The following DLC1 variants were observed in gnomAD, a reference collection of about 807,000 sequenced individuals.
The protein encoded by DLC1 is rho GTPase-activating protein 7.
DLC1 carries 54 observed loss-of-function variants against 140.3 expected under a neutral mutation model. The observed-to-expected ratio is 0.38, with a 90% CI of 0.31 to 0.48. DLC1 has a LOEUF of 0.48. Among genes scored for constraint, DLC1 ranks in the 20% least tolerant of loss-of-function variants. DLC1 has a pLI of 0.96. For synonymous variants in DLC1, 986 were observed against 728.1 expected, an observed-to-expected ratio of 1.35 and a Z score of -5.70; for missense variants, 2,536 against 1,907.0, an observed-to-expected ratio of 1.33 and a Z score of -6.14.
At chr8:13,121,990 A>G (rs1300861854) in intron 5 of DLC1, among the ~76,000 whole-genome samples, 4 of 152,154 alleles carry the variant, frequency 2.6e-5, no homozygotes, top group Non-Finnish European at 2.9e-5. Flanking sequence ...ACTAAGCCAG[A>G]TAACATTTCT....
intron 1 of DLC1, among the ~76,000 whole-genome samples, chr8:13,562,783 C>T (rs957242165): frequency 9.9e-5 from 15 of 151,766 alleles, no homozygotes; most frequent in South Asian, 2.1e-4. Flanking sequence ...GCAAAATGCC[C>T]GTCAAAATGT....
intron 1 of DLC1, among the ~76,000 whole-genome samples, chr8:13,556,038 C>T (rs957110185): frequency 2.6e-5 from 4 of 151,948 alleles, no homozygotes; most frequent in East Asian, 3.9e-4. Context: ...GAGAGAAGGA[C>T]AAAAGAGAAA....
chr8:13,405,205 G>C (rs1320504147), intron 2 of DLC1, among the ~76,000 whole-genome samples: 2 of 152,038 alleles, frequency 1.3e-5, no homozygotes, highest in Non-Finnish European at 2.9e-5. Context: ...GGTATGTTGT[G>C]TGATGCTGAG....
chr8:13,205,194 G>A (rs750355341), intron 5 of DLC1, among the ~76,000 whole-genome samples: 1 of 152,156 alleles, frequency 6.6e-6, no homozygotes, highest in Non-Finnish European at 1.5e-5. Flanking sequence ...AATATCATTT[G>A]CACCTGTAAG....
chr8:13,281,028 T>C (rs1032331843), intron 5 of DLC1, among the ~76,000 whole-genome samples: 3 of 152,188 alleles, frequency 2.0e-5, no homozygotes, highest in African/African-American at 4.8e-5. Flanking sequence ...AGGTATCCAA[T>C]AGTCCATGAC....
chr8:13,142,555 C>T (rs944945572), intron 5 of DLC1, among the ~76,000 whole-genome samples: 20 of 152,132 alleles, frequency 1.3e-4, no homozygotes, highest in Non-Finnish European at 2.6e-4. Context: ...TACATCATAA[C>T]ACTATGATAT....
chr8:13,546,276 C>T (rs2117343433), intron 1 of DLC1, among the ~76,000 whole-genome samples: 1 of 152,056 alleles, frequency 6.6e-6, no homozygotes, highest in South Asian at 2.1e-4. Context: ...ATTTAATGTC[C>T]AAGCATTAAA....
chr8:13,425,363 C>G (rs1419123514), intron 2 of DLC1, among the ~76,000 whole-genome samples: 1 of 152,170 alleles, frequency 6.6e-6, no homozygotes, highest in East Asian at 1.9e-4. Flanking sequence ...AATGGCACAT[C>G]TTGCTCTCAG....
At chr8:13,205,941 C>T (rs1827641804) in intron 5 of DLC1, among the ~76,000 whole-genome samples, 1 of 152,096 alleles carries the variant, frequency 6.6e-6, no homozygotes, top group Non-Finnish European at 1.5e-5. Context: ...AAATTTCTGC[C>T]TCCACCTTCT....
chr8:13,527,795 TATTATAC>T (rs1802966688), intron 1 of DLC1, among the ~76,000 whole-genome samples: 1 of 152,162 alleles, frequency 6.6e-6, no homozygotes, highest in Non-Finnish European at 1.5e-5. Flanking sequence ...AAACAGCATC[TATTATAC>T]GTGAACTAGG....
chr8:13,139,288 C>CAAAAAAAAAAA (rs67684524), intron 5 of DLC1, among the ~76,000 whole-genome samples: 2 of 49,286 alleles, frequency 4.1e-5, no homozygotes, highest in African/African-American at 7.1e-5. Flanking sequence ...GACCCTGTCT[C>CAAAAAAAAAAA]AAAAAAAAAA....
In DLC1 at chr8:13,086,504, T is replaced by A. The variant is rs757511457; in HGVS notation, c.4293-41A>T. On this transcript the variant is annotated intron_variant, in intron 16 of 17. Transcript: ENST00000276297. The stretch of plus-strand genomic sequence containing the variant: ...CAGAGGCAGAAATGATGGAATTTCA[T>A]AGAAGCCAAGTTTAAAATCGTGCTT... The A allele has an allele frequency of 3.1e-6, 5 of 1,600,454 alleles. No individual in the cohort carries two copies. In the African/African-American group the frequency reaches 4.0e-5, roughly 13 times the overall value.
intron 4 of DLC1, among the ~76,000 whole-genome samples, chr8:13,321,531 A>G (rs1188594849): frequency 9.9e-6 from 1 of 100,928 alleles, no homozygotes; most frequent in Non-Finnish European, 2.1e-5. Context: ...AGAGAGACTC[A>G]GTCTCAAAAA....
intron 5 of DLC1, among the ~76,000 whole-genome samples, chr8:13,258,106 T>C (rs751369935): frequency 2.0e-5 from 3 of 152,170 alleles, no homozygotes; most frequent in Non-Finnish European, 4.4e-5. Context: ...CTATCTCAAC[T>C]TGAATCACCC....
chr8:13,278,045 A>G (rs572150800), intron 5 of DLC1, among the ~76,000 whole-genome samples: 1 of 152,326 alleles, frequency 6.6e-6, no homozygotes, highest in East Asian at 1.9e-4. Flanking sequence ...CTTATTAATA[A>G]CCCGTATGTC....
At chr8:13,463,278 G>C (rs1014365777) in intron 2 of DLC1, among the ~76,000 whole-genome samples, 2 of 152,182 alleles carry the variant, frequency 1.3e-5, no homozygotes, top group Admixed American at 1.3e-4. Flanking sequence ...TCATGATCAA[G>C]TGTTTCAGAT....
At chr8:13,231,590 G>C (rs941798689) in intron 5 of DLC1, among the ~76,000 whole-genome samples, 40 of 152,280 alleles carry the variant, frequency 2.6e-4, no homozygotes, top group African/African-American at 9.1e-4. Flanking sequence ...ATTTTGATTG[G>C]TCTACAATTC....
chr8:13,273,485 G>A (rs1278896302), intron 5 of DLC1, among the ~76,000 whole-genome samples: 1 of 152,196 alleles, frequency 6.6e-6, no homozygotes, highest in Non-Finnish European at 1.5e-5. Flanking sequence ...AAAGGGGAAT[G>A]CAAGTAAGAC....
At chr8:13,383,174 G>T (rs779179502) in intron 4 of DLC1, among the ~76,000 whole-genome samples, 2 of 152,214 alleles carry the variant, frequency 1.3e-5, no homozygotes, top group East Asian at 1.9e-4. Flanking sequence ...GAAGGAACTG[G>T]TGGATCAACC....
Sources: allele counts gnomAD v4.1 joint callset (sites outside exome capture counted in the v4.1 genomes callset), GRCh38; gene constraint gnomAD v4.1.1; transcripts MANE v1.5; gene names NCBI Gene and HGNC (gene_info 2026-07-23, HGNC 2026-07-21).